The following NRXN3 variants were observed in gnomAD, a reference collection of about 807,000 sequenced individuals.
NRXN3 encodes neurexin III.
A neutral mutation model predicts 137.6 loss-of-function variants in NRXN3; 32 were observed. The ratio of observed to expected loss-of-function variants is 0.23; its 90% CI spans 0.18 to 0.31. NRXN3 has a LOEUF of 0.31. Among genes scored for constraint, NRXN3 ranks in the 10% least tolerant of loss-of-function variants. The probability of loss-of-function intolerance (pLI) is 1.00; values close to 1 mark genes in which losing one functional copy is unlikely to be tolerated. For synonymous variants in NRXN3, 798 were observed against 784.5 expected (o/e 1.02, Z -0.29); for missense variants, 1,574 against 2,062.5 (o/e 0.76, Z 4.59).
chr14:79,432,244 C>T (rs988317717), intron 15 of NRXN3, among the ~76,000 whole-genome samples: 52 of 152,016 alleles, frequency 3.4e-4, no homozygotes, highest in African/African-American at 1.2e-3. Flanking sequence ...CATACTTTTG[C>T]TCAGGATCTT....
rs937768597 is a variant in NRXN3 at position 78,444,960 on chromosome 14, G to A, written c.757+147100G>A. Among the ~76,000 whole-genome samples the A allele has an allele frequency of 1.1e-4, 15 of 138,530 alleles. No individual in the cohort carries two copies. In the Middle Eastern group the frequency reaches 0.023, roughly 210 times the overall value. The allele number at this position is 138,530 out of a possible 152,430, so 90.9% of individuals were successfully genotyped here. Reference sequence around the variant, plus strand: ...AAAAAAAAAAAAAAGGAGTGTTTGAGTAAGGGAGTAAGGCCACCCAAGATA... The same window carrying A: ...AAAAAAAAAAAAAAGGAGTGTTTGAATAAGGGAGTAAGGCCACCCAAGATA... On this transcript the variant is annotated intron_variant, in intron 4 of 20. Coordinates refer to ENST00000335750, the MANE Select transcript of NRXN3 (RefSeq NM_001330195.2).
intron 4 of NRXN3, among the ~76,000 whole-genome samples, chr14:78,622,401 A>G (rs1193164540): frequency 6.6e-6 from 1 of 152,134 alleles, no homozygotes; most frequent in East Asian, 1.9e-4. Context: ...TGTAAAATTC[A>G]TCCTGTTTTT....
chr14:78,267,194 AT>A (rs2071901676), intron 2 of NRXN3, among the ~76,000 whole-genome samples: 1 of 152,170 alleles, frequency 6.6e-6, no homozygotes, highest in African/African-American at 2.4e-5. Flanking sequence ...TTTATATACA[AT>A]TGATTCTTTT....
At chr14:78,541,910 C>T (rs910581771) in intron 4 of NRXN3, among the ~76,000 whole-genome samples, 1 of 152,248 alleles carries the variant, frequency 6.6e-6, no homozygotes, top group African/African-American at 2.4e-5. Context: ...TGCTGGAGGT[C>T]CACTCAAGAC....
At chr14:79,860,465 A>G (rs894898451) in intron 20 of NRXN3, among the ~76,000 whole-genome samples, 1 of 152,370 alleles carries the variant, frequency 6.6e-6, no homozygotes, top group Non-Finnish European at 1.5e-5. Context: ...TGCTCAGCTT[A>G]TAGTAAACAA....
At chr14:78,496,434 A>T (rs1008870631) in intron 4 of NRXN3, among the ~76,000 whole-genome samples, 1 of 152,158 alleles carries the variant, frequency 6.6e-6, no homozygotes, top group Non-Finnish European at 1.5e-5. Context: ...TGGAGAGTTA[A>T]TTAGATGATT....
At chr14:79,823,335 G>A (rs2293818) in intron 20 of NRXN3, among the ~76,000 whole-genome samples, 91,029 of 151,646 alleles carry the variant, frequency 0.6, 27,732 homozygotes, top group African/African-American at 0.72. Context: ...TGAATCAGGT[G>A]TAAGAATTGT....
intron 4 of NRXN3, among the ~76,000 whole-genome samples, chr14:78,543,507 C>T (rs1312820918): frequency 6.6e-6 from 1 of 151,686 alleles, no homozygotes; most frequent in Non-Finnish European, 1.5e-5. Flanking sequence ...AGACTTGGAG[C>T]CTTGGGATCC....
intron 15 of NRXN3, among the ~76,000 whole-genome samples, chr14:79,443,194 T>A (rs2095997091): frequency 6.6e-6 from 1 of 152,260 alleles, no homozygotes; most frequent in Admixed American, 6.5e-5. Flanking sequence ...TTTGACTTCC[T>A]CCTTGCACAG....
chr14:79,204,915 G>C (rs928813527), intron 15 of NRXN3, among the ~76,000 whole-genome samples: 1 of 152,172 alleles, frequency 6.6e-6, no homozygotes, highest in Non-Finnish European at 1.5e-5. Context: ...ATATTTGATT[G>C]TGTTGGTTGC....
In NRXN3 at chr14:78,808,433, C is replaced by T. The variant is rs1314635618; in HGVS notation, c.2249-1885C>T. Among the ~76,000 whole-genome samples, 5 of 152,182 alleles carry T rather than the reference C, an allele frequency of 3.3e-5. No homozygotes were observed. In the South Asian group the frequency reaches 6.2e-4, roughly 19 times the overall value. On this transcript the variant is annotated intron_variant, in intron 9 of 20. Coordinates refer to ENST00000335750, the MANE Select transcript of NRXN3 (RefSeq NM_001330195.2). ...TTAGGCTCACTCTTCCTCTCATAAGCGTGCCCATACACCAGTTTCCTCTCT... is the reference window on the plus strand; with the variant it reads ...TTAGGCTCACTCTTCCTCTCATAAGTGTGCCCATACACCAGTTTCCTCTCT...
intron 1 of NRXN3, chr14:78,177,749 C>A (rs1191909436): frequency 6.6e-6 from 1 of 152,136 alleles, no homozygotes; most frequent in South Asian, 2.1e-4. Flanking sequence ...TTCACTTACC[C>A]CCACTTTCTG....
intron 16 of NRXN3, among the ~76,000 whole-genome samples, chr14:79,481,077 G>A (rs2153637848): frequency 6.6e-6 from 1 of 152,230 alleles, no homozygotes; most frequent in South Asian, 2.1e-4. Context: ...GTAGTTCTAA[G>A]TGCTTGGGAT....
At chr14:79,325,417 A>G (rs2090708249) in intron 15 of NRXN3, among the ~76,000 whole-genome samples, 1 of 152,174 alleles carries the variant, frequency 6.6e-6, no homozygotes, top group South Asian at 2.1e-4. Context: ...ACTGACATTA[A>G]TGCTTACTGT....
At chr14:78,550,152 A>C (rs1407518906) in intron 4 of NRXN3, among the ~76,000 whole-genome samples, 3 of 151,068 alleles carry the variant, frequency 2.0e-5, no homozygotes, top group Admixed American at 6.6e-5. Flanking sequence ...CTCCCACCTC[A>C]GCCTCCTGAG....
intron 4 of NRXN3, among the ~76,000 whole-genome samples, chr14:78,373,095 C>T (rs536241875): frequency 6.6e-6 from 1 of 152,204 alleles, no homozygotes; most frequent in Non-Finnish European, 1.5e-5. Flanking sequence ...GCTCAGATAA[C>T]CTTGTCCTGT....
At chr14:78,853,490 C>T (rs1387866778) in intron 10 of NRXN3, among the ~76,000 whole-genome samples, 1 of 152,026 alleles carries the variant, frequency 6.6e-6, no homozygotes, top group Non-Finnish European at 1.5e-5. Flanking sequence ...GGTATTAAGC[C>T]TAGTACCCAT....
At chr14:79,078,928 C>G (rs1420028502) in intron 15 of NRXN3, among the ~76,000 whole-genome samples, 1 of 151,924 alleles carries the variant, frequency 6.6e-6, no homozygotes, top group East Asian at 1.9e-4. Flanking sequence ...TGTAGGGATA[C>G]CAGAAGAAGA....
intron 19 of NRXN3, among the ~76,000 whole-genome samples, chr14:79,799,145 A>G (rs2099169386): frequency 6.6e-6 from 1 of 152,210 alleles, no homozygotes; most frequent in African/African-American, 2.4e-5. Context: ...CCAGACAGAT[A>G]TTTTATTGAA....
Sources: allele counts gnomAD v4.1 joint callset (sites outside exome capture counted in the v4.1 genomes callset), GRCh38; gene constraint gnomAD v4.1.1; transcripts MANE v1.5; gene names NCBI Gene and HGNC (gene_info 2026-07-23, HGNC 2026-07-21).